The following CASK variants were observed in gnomAD, a reference collection of about 807,000 sequenced individuals.
The protein encoded by CASK is peripheral plasma membrane protein CASK.
CASK carries 4 observed loss-of-function variants against 82.9 expected under a neutral mutation model. The observed-to-expected ratio is 0.05, with a 90% confidence interval of 0.02 to 0.11. CASK has a LOEUF of 0.11. CASK is among the 10% of genes least tolerant of loss of function. The pLI is 1.00. For missense variants in CASK, 358 were observed against 720.9 expected (o/e 0.50, Z 5.76); for synonymous variants, 259 against 253.5 (o/e 1.02, Z -0.20).
intron 1 of CASK, among the ~76,000 whole-genome samples, chrX:41,909,789 T>C: frequency 9.0e-6 from 1 of 111,697 alleles, no homozygotes; most frequent in Non-Finnish European, 1.9e-5. Flanking sequence ...ACATTTTTAG[T>C]AGAGACGAGG....
chrX:41,557,250 CAGA>C, intron 18 of CASK, 150 bp from the exon 19 acceptor site: 1 of 515,770 alleles, frequency 1.9e-6, no homozygotes, highest in Non-Finnish European at 3.3e-6. Flanking sequence ...CATGATTTCA[CAGA>C]AGTATGAAAA....
chrX:41,590,510 CAAAAAAAAA>C (rs763695085), intron 12 of CASK, among the ~76,000 whole-genome samples: 5 of 31,321 alleles, frequency 1.6e-4, no homozygotes, highest in East Asian at 1.1e-3. Flanking sequence ...ATTCCGTCTC[CAAAAAAAAA>C]AAAAAAAAAA....
intron 5 of CASK, among the ~76,000 whole-genome samples, chrX:41,703,127 T>C (rs1187505432): frequency 8.9e-6 from 1 of 112,502 alleles, no homozygotes; most frequent in Non-Finnish European, 1.9e-5. Context: ...GTTACACTTA[T>C]ATTCTTTTTT....
intron 2 of CASK, among the ~76,000 whole-genome samples, chrX:41,847,392 C>A (rs1001994722): frequency 8.9e-6 from 1 of 111,739 alleles, no homozygotes; most frequent in Non-Finnish European, 1.9e-5. Flanking sequence ...CTCATATCTG[C>A]TGCTGAGCCT....
At chrX:41,534,233 A>G (rs1287074988) in intron 24 of CASK, among the ~76,000 whole-genome samples, 1 of 111,843 alleles carries the variant, frequency 8.9e-6, no homozygotes, top group Non-Finnish European at 1.9e-5. Context: ...GTAAGAAATC[A>G]ACAATTTAAA....
chrX:41,545,063 A>T (rs1268620431), intron 21 of CASK, among the ~76,000 whole-genome samples: 1 of 109,380 alleles, frequency 9.1e-6, no homozygotes, highest in Non-Finnish European at 1.9e-5. Context: ...TCTCCTTGTG[A>T]TGCCCAGGCT....
chrX:41,660,489 G>C lies in CASK; in HGVS notation c.781C>G (p.Pro261Ala). ...DLVRRMLMLD[P>A]AERITVYEAL... Reference sequence around the variant, plus strand: ...TCATAAACAGTGATCCTTTCAGCTGGATCCAGCATCAGCATGCGACGTACT... The same window carrying C: ...TCATAAACAGTGATCCTTTCAGCTGCATCCAGCATCAGCATGCGACGTACT... Residue 261 changes from proline (P) to alanine (A), a missense_variant, in exon 8 of 27, where the codon CCA becomes GCA. By Grantham distance (27) the Pro-to-Ala change is conservative. Transcript: ENST00000378163. 1 of 1,210,245 alleles carries C rather than the reference G, an allele frequency of 8.3e-7. No individual in the cohort carries two copies. Among genetic ancestry groups the C allele is most frequent in the Non-Finnish European group, 1.1e-6 (1 of 893,973 alleles).
intron 1 of CASK, among the ~76,000 whole-genome samples, chrX:41,896,848 T>A (rs1480717029): frequency 8.9e-6 from 1 of 111,898 alleles, no homozygotes; most frequent in Non-Finnish European, 1.9e-5. Flanking sequence ...TTGTTGACTG[T>A]AATCACCCTG....
At chrX:41,844,615 A>C (rs930196867) in intron 2 of CASK, among the ~76,000 whole-genome samples, 1 of 111,279 alleles carries the variant, frequency 9.0e-6, no homozygotes, top group African/African-American at 3.3e-5. Flanking sequence ...GTCAGTTTAA[A>C]GCCTACTCAA....
intron 2 of CASK, among the ~76,000 whole-genome samples, chrX:41,827,674 T>C (rs968077953): frequency 8.9e-5 from 10 of 112,253 alleles, no homozygotes; most frequent in South Asian, 3.7e-4. Flanking sequence ...CTCAGACTAA[T>C]GAGTAGAAAA....
At chrX:41,806,029 G>A (rs1341750559) in intron 2 of CASK, among the ~76,000 whole-genome samples, 1 of 111,648 alleles carries the variant, frequency 9.0e-6, no homozygotes, top group Non-Finnish European at 1.9e-5. Flanking sequence ...AGCATCTTAT[G>A]AGGTACAGAC....
chrX:41,893,245 G>C (rs1434806933), intron 1 of CASK, among the ~76,000 whole-genome samples: 1 of 111,799 alleles, frequency 8.9e-6, no homozygotes, highest in Non-Finnish European at 1.9e-5. Flanking sequence ...CAATTCGCTG[G>C]CCTTGTAGCT....
chrX:41,541,143 T>G (rs1234024089), intron 22 of CASK, among the ~76,000 whole-genome samples: 1 of 112,663 alleles, frequency 8.9e-6, no homozygotes, highest in African/African-American at 3.2e-5. Context: ...CTGACAGAAG[T>G]AAGGGCAACT....
At chrX:41,590,689 A>C (rs1029149976) in intron 12 of CASK, among the ~76,000 whole-genome samples, 1 of 110,968 alleles carries the variant, frequency 9.0e-6, no homozygotes, top group African/African-American at 3.3e-5. Context: ...CTGCTTTGAA[A>C]AGTGAAAAGT....
chrX:41,716,844 A>G (rs2068070363), intron 5 of CASK, among the ~76,000 whole-genome samples: 1 of 111,681 alleles, frequency 9.0e-6, no homozygotes, highest in Admixed American at 9.5e-5. Context: ...ACCTTACTCT[A>G]TCTGAATGTC....
At chrX:41,808,447 G>T (rs1004654396) in intron 2 of CASK, among the ~76,000 whole-genome samples, 1 of 112,004 alleles carries the variant, frequency 8.9e-6, no homozygotes, top group Non-Finnish European at 1.9e-5. Context: ...TTAGCAAGGC[G>T]TCTCACATCA....
At chrX:41,559,433 G>A (rs967984088) in intron 18 of CASK, 62 of 225,998 alleles carry the variant, frequency 2.7e-4, no homozygotes, top group Non-Finnish European at 4.8e-4. Context: ...CAAGGGAAGT[G>A]AATGAACTTC....
intron 2 of CASK, among the ~76,000 whole-genome samples, chrX:41,806,096 G>C (rs1349718575): frequency 9.0e-6 from 1 of 111,663 alleles, no homozygotes; most frequent in Non-Finnish European, 1.9e-5. Context: ...GTACAGAACA[G>C]GAACCTGTTA....
chrX:41,691,429 G>A (rs2067555707), intron 5 of CASK, among the ~76,000 whole-genome samples: 2 of 111,840 alleles, frequency 1.8e-5, no homozygotes, highest in Admixed American at 1.9e-4. Context: ...AAGGAATCAT[G>A]TCAAAATACT....
Sources: allele counts gnomAD v4.1 joint callset (sites outside exome capture counted in the v4.1 genomes callset), GRCh38; gene constraint gnomAD v4.1.1; transcripts MANE v1.5; gene names NCBI Gene and HGNC (gene_info 2026-07-23, HGNC 2026-07-21).